The following SMAD9 variants were observed in gnomAD, a reference collection of about 807,000 sequenced individuals.
SMAD9 encodes the protein SMAD family member 9.
SMAD9 carries 36 observed loss-of-function variants against 46.1 expected under a neutral mutation model. That is an observed-to-expected ratio of 0.78 (90% CI 0.60 to 1.03). The LOEUF is 1.03. Among genes scored for constraint, SMAD9 ranks in the 50% least tolerant of loss-of-function variants. SMAD9 has a pLI of 0.00. For synonymous variants in SMAD9, 245 were observed against 237.1 expected (o/e 1.03, Z -0.31); for missense variants, 572 against 599.8 (o/e 0.95, Z 0.48).
intron 1 of SMAD9, among the ~76,000 whole-genome samples, chr13:36,917,054 G>A (rs1420139092): frequency 2.0e-5 from 3 of 152,140 alleles, no homozygotes; most frequent in Non-Finnish European, 4.4e-5. Flanking sequence ...CACCAAAGGA[G>A]AGCAGAATAC....
chr13:36,865,699 GTTCATA>G lies in SMAD9; in HGVS notation c.835_840del (p.Tyr279_Glu280del). 6.2e-7 allele frequency: 1 copy of G among 1,614,158 alleles called. No individual in the cohort carries two copies. The highest frequency in any genetic ancestry group is 8.5e-7 in the Non-Finnish European group (1 of 1,180,006). Reference sequence around the variant, plus strand: ...AATGTCTCCCCAACTCGGTTGTTCAGTTCATAGTAGGCGACCGAGCACCAGTGCTGG... The same window carrying G: ...AATGTCTCCCCAACTCGGTTGTTCAGGTAGGCGACCGAGCACCAGTGCTGG... On this transcript the variant is annotated inframe_deletion, in exon 5 of 7. Coordinates refer to ENST00000379826, the MANE Select transcript of SMAD9 (RefSeq NM_001127217.3).
intron 1 of SMAD9, among the ~76,000 whole-genome samples, chr13:36,895,657 A>G (rs766841482): frequency 2.0e-5 from 3 of 152,210 alleles, no homozygotes; most frequent in Admixed American, 2.0e-4. Context: ...TCAGAGAAAG[A>G]TGTGTTCAAT....
At chr13:36,877,566 T>C (rs550364445) in intron 2 of SMAD9, among the ~76,000 whole-genome samples, 15 of 152,284 alleles carry the variant, frequency 9.9e-5, no homozygotes, top group African/African-American at 2.9e-4. Flanking sequence ...TTCAAATCTT[T>C]GAAACACAAA....
chr13:36,907,910 G>A (rs2058631404), intron 1 of SMAD9, among the ~76,000 whole-genome samples: 1 of 152,120 alleles, frequency 6.6e-6, no homozygotes, highest in Non-Finnish European at 1.5e-5. Flanking sequence ...CAGAATCCCT[G>A]ATAAGGTAAA....
intron 1 of SMAD9, among the ~76,000 whole-genome samples, chr13:36,896,905 A>C (rs537723826): frequency 6.3e-4 from 96 of 152,320 alleles, no homozygotes; most frequent in African/African-American, 2.3e-3. Context: ...TAGCAAGAGT[A>C]ATATCCAACT....
chr13:36,879,974 C>G, intron 1 of SMAD9, 99 bp from the exon 2 acceptor site: 1 of 456,894 alleles, frequency 2.2e-6, no homozygotes, highest in Non-Finnish European at 4.0e-6. Context: ...ACAGTCCCAG[C>G]TACTCAAGTG....
chr13:36,877,850 C>G (rs113195428), intron 2 of SMAD9, among the ~76,000 whole-genome samples: 7 of 152,116 alleles, frequency 4.6e-5, no homozygotes, highest in Non-Finnish European at 8.8e-5. Flanking sequence ...CTGAGGTAGG[C>G]TGGGCATAAA....
chr13:36,878,279 C>CAGTG (rs2058366483), intron 2 of SMAD9, among the ~76,000 whole-genome samples: 1 of 152,144 alleles, frequency 6.6e-6, no homozygotes, highest in Admixed American at 6.5e-5. Context: ...CAATATAAGA[C>CAGTG]AGTGGTCCCC....
In SMAD9 at chr13:36,879,754, C is replaced by T. The variant is rs889982155; in HGVS notation, c.-65G>A. ...CAGCCCTTCACGGCAAAGTGGGCGG[C>T]GAGTAGCTCTCCAGGGGTGGCATAG... On this transcript the variant is annotated 5_prime_UTR_variant, in exon 2 of 7. Transcript: ENST00000379826. The T allele has an allele frequency of 6.3e-7, 1 of 1,587,194 alleles. No individual in the cohort carries two copies.
rs577494883 is a variant in SMAD9 at position 36,892,852 on chromosome 13, G to A, written c.-186-12977C>T. On this transcript the variant is annotated intron_variant, in intron 1 of 6. Transcript: ENST00000379826. ...TTCTATGCAAAATCTCAAACAGAAT[G>A]AAGGACAACTCAGCATTCTCCAGTC... Among the ~76,000 whole-genome samples the A allele has an allele frequency of 3.8e-4, 58 of 152,288 alleles. 1 individual carries two copies. In the South Asian group the frequency reaches 8.3e-3, roughly 22 times the overall value.
rs79553594 is a variant in SMAD9, at chr13:36,881,977, C to T, written c.-186-2102G>A. Among the ~76,000 whole-genome samples, 48 of 152,214 alleles carry T rather than the reference C, an allele frequency of 3.2e-4. No individual in the cohort carries two copies. In the East Asian group the frequency reaches 5.2e-3, roughly 17 times the overall value. Reference sequence around the variant, plus strand: ...AAAAGCTTTTTATAAAAACACTCAGCGAGTTAAACCAAATACACCTTTTAG... The same window carrying T: ...AAAAGCTTTTTATAAAAACACTCAGTGAGTTAAACCAAATACACCTTTTAG... On this transcript the variant is annotated intron_variant, in intron 1 of 6. Transcript: ENST00000379826.
At chr13:36,866,991 A>T (rs761478858) in intron 4 of SMAD9, among the ~76,000 whole-genome samples, 15 of 152,252 alleles carry the variant, frequency 9.9e-5, no homozygotes, top group Non-Finnish European at 1.6e-4. Context: ...TAACTTCTTG[A>T]GTTCCCAACT....
At chr13:36,889,000 A>G (rs2058469742) in intron 1 of SMAD9, among the ~76,000 whole-genome samples, 1 of 152,188 alleles carries the variant, frequency 6.6e-6, no homozygotes, top group African/African-American at 2.4e-5. Context: ...CAACTGAAAA[A>G]TGCCTCCCAA....
At chr13:36,863,023 G>A (rs980468020) in intron 5 of SMAD9, among the ~76,000 whole-genome samples, 1 of 152,156 alleles carries the variant, frequency 6.6e-6, no homozygotes, top group Non-Finnish European at 1.5e-5. Context: ...GTAAGTACTC[G>A]TGAGATGAAT....
At chr13:36,890,606 G>C (rs542510956) in intron 1 of SMAD9, among the ~76,000 whole-genome samples, 7 of 152,120 alleles carry the variant, frequency 4.6e-5, no homozygotes, top group Non-Finnish European at 8.8e-5. Flanking sequence ...ATTTCTCTTT[G>C]TTTAAAGTAG....
chr13:36,911,583 C>T (rs573186262), intron 1 of SMAD9, among the ~76,000 whole-genome samples: 11 of 119,752 alleles, frequency 9.2e-5, no homozygotes, highest in Admixed American at 3.7e-4. Flanking sequence ...ATGTGTGTCT[C>T]GAGGAAGGCT....
intron 1 of SMAD9, among the ~76,000 whole-genome samples, chr13:36,905,554 G>C (rs1485221821): frequency 1.3e-5 from 2 of 151,964 alleles, no homozygotes; most frequent in South Asian, 2.1e-4. Flanking sequence ...CCAGGAGTAA[G>C]AGACCAGCCT....
intron 4 of SMAD9, 35 bp from the exon 5 acceptor site, chr13:36,865,793 T>C (rs747703014): frequency 6.6e-7 from 1 of 1,520,758 alleles, no homozygotes; most frequent in South Asian, 1.1e-5. Context: ...ACATGGCTAC[T>C]GTCATACCTG....
intron 6 of SMAD9, chr13:36,849,868 T>G (rs2058060703): frequency 6.6e-6 from 1 of 152,172 alleles, no homozygotes; most frequent in East Asian, 1.9e-4. Flanking sequence ...AATCTTCCCC[T>G]TCTCTCCTGC....
Sources: gnomAD v4.1 joint callset for allele counts (sites outside exome capture counted in the v4.1 genomes callset) on GRCh38, gnomAD v4.1.1 for gene constraint, MANE v1.5 for transcripts, NCBI Gene and HGNC (gene_info 2026-07-23, HGNC 2026-07-21) for gene names.